CORO7: variants seen among roughly 807,000 people sequenced by gnomAD.
The protein encoded by CORO7 is coronin 7.
Under a neutral mutation model 126.6 loss-of-function variants are expected in CORO7, and 107 were observed. The ratio of observed to expected loss-of-function variants is 0.85; its 90% CI spans 0.72 to 0.99. CORO7 has a LOEUF of 0.99. Among genes scored for constraint, CORO7 ranks in the 50% least tolerant of loss-of-function variants. The probability of loss-of-function intolerance (pLI) is 0.00; values close to 1 mark genes in which losing one functional copy is unlikely to be tolerated. For synonymous variants in CORO7, 603 were observed against 536.8 expected (o/e 1.12, Z -1.70); for missense variants, 1,314 against 1,255.8 (o/e 1.05, Z -0.70).
intron 1 of CORO7, among the ~76,000 whole-genome samples, chr16:4,415,389 T>A (rs535073877): frequency 6.6e-6 from 1 of 152,264 alleles, no homozygotes; most frequent in East Asian, 1.9e-4. Context: ...CTGACCACGC[T>A]ACTGAGACTG....
intron 9 of CORO7, among the ~76,000 whole-genome samples, chr16:4,367,104 G>A (rs2054372208): frequency 6.6e-6 from 1 of 152,214 alleles, no homozygotes; most frequent in Non-Finnish European, 1.5e-5. Context: ...CTGGGAAGCT[G>A]GGTGGGGCCC....
intron 9 of CORO7, among the ~76,000 whole-genome samples, chr16:4,373,553 C>T (rs549111579): frequency 2.0e-5 from 3 of 152,180 alleles, no homozygotes; most frequent in South Asian, 2.1e-4. Context: ...TGTGCTTACC[C>T]GAGGAAGGCC....
chr16:4,391,258 T>TA (rs1275982171), intron 7 of CORO7, among the ~76,000 whole-genome samples: 1 of 151,424 alleles, frequency 6.6e-6, no homozygotes, highest in African/African-American at 2.4e-5. Context: ...ACTTCTCTCT[T>TA]AAAAAAACAA....
intron 2 of CORO7, 35 bp from the exon 3 acceptor site, chr16:4,412,465 C>T: frequency 3.7e-6 from 6 of 1,611,130 alleles, no homozygotes; most frequent in Non-Finnish European, 5.1e-6. Flanking sequence ...GACTTCAGGC[C>T]CCACAGGGCC....
chr16:4,356,204 C>T (rs1054724998), intron 26 of CORO7, among the ~76,000 whole-genome samples: 2 of 152,092 alleles, frequency 1.3e-5, no homozygotes, highest in Non-Finnish European at 2.9e-5. Flanking sequence ...CCGCCCTCCT[C>T]GGCCTCCCAA....
chr16:4,411,835 C>T (rs569356907), intron 3 of CORO7, among the ~76,000 whole-genome samples: 7 of 152,080 alleles, frequency 4.6e-5, no homozygotes, highest in South Asian at 4.1e-4. Context: ...CCATCTGAGG[C>T]GAGCAAACTG....
At chr16:4,381,596 G>C (rs745762260) in intron 9 of CORO7, 48 of 1,599,324 alleles carry the variant, frequency 3.0e-5, no homozygotes, top group Non-Finnish European at 3.8e-5. Flanking sequence ...GGCCTCCGGG[G>C]CCTGACGCGC....
intron 9 of CORO7, chr16:4,380,764 C>G (rs904406637): frequency 7.9e-7 from 1 of 1,267,552 alleles, no homozygotes; most frequent in Non-Finnish European, 1.1e-6. Flanking sequence ...GGTTCTCTTG[C>G]ATTTGGGGGC....
intron 7 of CORO7, among the ~76,000 whole-genome samples, chr16:4,389,460 G>A (rs376334676): frequency 2.0e-5 from 3 of 152,190 alleles, no homozygotes; most frequent in Non-Finnish European, 2.9e-5. Context: ...AGCTTCCTCC[G>A]AACTTCCCAC....
At chr16:4,369,023 C>T (rs1399587842) in intron 9 of CORO7, among the ~76,000 whole-genome samples, 1 of 152,242 alleles carries the variant, frequency 6.6e-6, no homozygotes, top group Non-Finnish European at 1.5e-5. Flanking sequence ...CACCTGTGCG[C>T]TGAGCCAACT....
intron 9 of CORO7, chr16:4,381,797 G>A: frequency 6.2e-7 from 1 of 1,600,370 alleles, no homozygotes; most frequent in Non-Finnish European, 8.5e-7. Flanking sequence ...TGCCCCCTGA[G>A]CTGGTTTGGC....
At chr16:4,378,601 T>G (rs1445706895) in intron 9 of CORO7, among the ~76,000 whole-genome samples, 1 of 152,050 alleles carries the variant, frequency 6.6e-6, no homozygotes, top group Non-Finnish European at 1.5e-5. Context: ...CCCCAGGGCC[T>G]TAGGTCATCA....
intron 8 of CORO7, among the ~76,000 whole-genome samples, chr16:4,388,303 G>C (rs1447774808): frequency 6.6e-6 from 1 of 152,162 alleles, no homozygotes; most frequent in Admixed American, 6.5e-5. Context: ...CTGTGTTCTC[G>C]GGTCCCTGTA....
intron 9 of CORO7, among the ~76,000 whole-genome samples, chr16:4,377,295 A>G (rs2054770246): frequency 8.2e-6 from 1 of 122,056 alleles, no homozygotes; most frequent in Non-Finnish European, 1.6e-5. Context: ...AAAAGGTCTC[A>G]CCTCCCTGCC....
intron 6 of CORO7, among the ~76,000 whole-genome samples, chr16:4,401,351 G>A (rs932976503): frequency 6.6e-6 from 1 of 152,220 alleles, no homozygotes; most frequent in South Asian, 2.1e-4. Context: ...AGAGGCGGGG[G>A]CCTGTCTGGA....
Position 4,361,250 on chromosome 16 carries a change from T to C in CORO7, c.1688-2A>G. 1 of 1,612,650 alleles carries C rather than the reference T, an allele frequency of 6.2e-7. No individual in the cohort carries two copies. Among genetic ancestry groups the C allele is most frequent in the South Asian group, 1.1e-5 (1 of 91,074 alleles). On this transcript the variant is annotated splice_acceptor_variant, in intron 17 of 27. Coordinates refer to ENST00000251166, the MANE Select transcript of CORO7 (RefSeq NM_024535.5). LOFTEE classifies it high-confidence loss of function. ...GTCGGATCCTGGCGTCCTCACCAGCTGCAGAGGACAGACAGGGGCTCATCA... is the reference window on the plus strand; with the variant it reads ...GTCGGATCCTGGCGTCCTCACCAGCCGCAGAGGACAGACAGGGGCTCATCA...
chr16:4,390,437 T>A (rs935775998), intron 7 of CORO7, among the ~76,000 whole-genome samples: 3 of 152,170 alleles, frequency 2.0e-5, no homozygotes, highest in African/African-American at 7.2e-5. Flanking sequence ...GATAGCAGGG[T>A]ACCGCCAGAC....
chr16:4,390,076 G>A (rs1422672184), intron 7 of CORO7, among the ~76,000 whole-genome samples: 1 of 152,182 alleles, frequency 6.6e-6, no homozygotes, highest in Non-Finnish European at 1.5e-5. Context: ...CCCTGTGCCC[G>A]TGGAATAAAC....
At chr16:4,371,359 G>A (rs1308966329) in intron 9 of CORO7, among the ~76,000 whole-genome samples, 1 of 152,206 alleles carries the variant, frequency 6.6e-6, no homozygotes, top group African/African-American at 2.4e-5. Context: ...ATTGGGATTA[G>A]CTACCAACAA....
Sources: gnomAD v4.1 joint callset for allele counts (sites outside exome capture counted in the v4.1 genomes callset) on GRCh38, gnomAD v4.1.1 for gene constraint, MANE v1.5 for transcripts, NCBI Gene and HGNC (gene_info 2026-07-23, HGNC 2026-07-21) for gene names.